DST: variants seen among roughly 807,000 people sequenced by gnomAD.
DST encodes the protein dystonin.
Under a neutral mutation model 875.2 loss-of-function variants are expected in DST, and 253 were observed. That is an observed-to-expected ratio of 0.29 (90% CI 0.26 to 0.32). The LOEUF is 0.32. Ranked by LOEUF, DST falls within the 10% of genes least tolerant of loss-of-function variation. DST has a pLI of 1.00. For synonymous variants in DST, 3,124 were observed against 3,197.1 expected (o/e 0.98, Z 0.77); for missense variants, 8,287 against 9,111.6 (o/e 0.91, Z 3.68).
chr6:56,654,020 A>C (rs2098990464), intron 10 of DST, among the ~76,000 whole-genome samples: 1 of 152,218 alleles, frequency 6.6e-6, no homozygotes, highest in Admixed American at 6.5e-5. Context: ...CTTAGGTTTG[A>C]CTAACCAAAG....
chr6:56,477,830 T>C (rs1243022124), intron 90 of DST, among the ~76,000 whole-genome samples: 1 of 152,216 alleles, frequency 6.6e-6, no homozygotes, highest in African/African-American at 2.4e-5. Context: ...ATATGCTTCA[T>C]ATCATCTCTA....
chr6:56,874,510 C>A (rs1390518738), intron 3 of DST, among the ~76,000 whole-genome samples: 1 of 152,192 alleles, frequency 6.6e-6, no homozygotes, highest in Non-Finnish European at 1.5e-5. Flanking sequence ...CATTTAATAG[C>A]TCACAAAACT....
At chr6:56,544,010 A>T (rs2097182036) in intron 61 of DST, among the ~76,000 whole-genome samples, 1 of 152,236 alleles carries the variant, frequency 6.6e-6, no homozygotes, top group African/African-American at 2.4e-5. Flanking sequence ...AAAGAGATTT[A>T]AAAATATCCA....
chr6:56,674,418 C>A (rs545826230), intron 9 of DST, among the ~76,000 whole-genome samples: 34 of 152,228 alleles, frequency 2.2e-4, no homozygotes, highest in African/African-American at 7.7e-4. Context: ...CTGCCTCAGC[C>A]TCCCAAGTAG....
Position 56,603,876 on chromosome 6 carries a change from C to A in DST, c.10752G>T (p.Gly3584=), listed in dbSNP as rs773221638. ...DFPSHLECTS[G]SKEMASGDSS... is the part of the protein sequence containing the mutation. ...TATCTCCAGAAGCCATCTCTTTAGA[C>A]CCTGAAGTACATTCCAAATGGCTTG... Residue 3584 remains glycine, a synonymous_variant, in exon 40 of 104, where the codon GGG becomes GGT. Transcript: ENST00000680361. 1.9e-5 allele frequency: 31 copies of A among 1,611,514 alleles called. No individual in the cohort carries two copies. Among genetic ancestry groups the A allele is most frequent in the Non-Finnish European group, 2.5e-5 (29 of 1,178,730 alleles).
chr6:56,482,737 G>C lies in DST; in HGVS notation c.21348C>G (p.Thr7116=). ...GCTTTGATATAGAAAGTGCACACAC[G>C]GTCTCCCAGCGTGTGCTTAATTCCT... ...QMQELSTRWE[T]VCALSISKQT... Residue 7116 remains threonine, a synonymous_variant, in exon 89 of 104, where the codon ACC becomes ACG. Transcript: ENST00000680361. 1 of 1,613,724 alleles carries C rather than the reference G, an allele frequency of 6.2e-7. No homozygotes were observed.
chr6:56,800,963 T>C (rs34359353), intron 4 of DST, among the ~76,000 whole-genome samples: 24,365 of 138,184 alleles, frequency 0.18, 2,184 homozygotes, highest in Middle Eastern at 0.24. Context: ...AAGGCTACAG[T>C]AAGCCATGAT....
intron 4 of DST, among the ~76,000 whole-genome samples, chr6:56,836,457 A>G (rs1344542262): frequency 6.6e-6 from 1 of 152,200 alleles, no homozygotes; most frequent in Non-Finnish European, 1.5e-5. Flanking sequence ...TTAATGCTCA[A>G]ATTGTAGGGT....
chr6:56,487,338 T>A, intron 86 of DST, 65 bp from the exon 87 acceptor site: 3 of 1,328,646 alleles, frequency 2.3e-6, no homozygotes, highest in Non-Finnish European at 2.0e-6. Flanking sequence ...TAAGAGGCAT[T>A]AACAGAGGCA....
chr6:56,616,035 G>A lies in DST; in HGVS notation c.4930-1551C>T, dbSNP rs767292450. On this transcript the variant is annotated intron_variant, in intron 36 of 103. Transcript: ENST00000680361. ...GTACTGACTTGGGCTTCAAGGCATC[G>A]GAGGGCAGTAATCCGATCAACCAAA... is the stretch of plus-strand genomic sequence containing the variant. The A allele has an allele frequency of 1.7e-5, 28 of 1,614,070 alleles. No individual in the cohort carries two copies. The Admixed American group carries it at 2.2e-4, about 12-fold the overall frequency.
intron 4 of DST, among the ~76,000 whole-genome samples, chr6:56,764,371 T>C (rs1217756719): frequency 6.6e-6 from 1 of 152,206 alleles, no homozygotes; most frequent in Non-Finnish European, 1.5e-5. Context: ...TTCACTTTCT[T>C]TGGTCACTTT....
chr6:56,571,503 C>T (rs1194022810), intron 53 of DST, among the ~76,000 whole-genome samples: 5 of 152,132 alleles, frequency 3.3e-5, no homozygotes, highest in Non-Finnish European at 1.5e-5. Flanking sequence ...TCTACATAAA[C>T]TTTAGCAAAA....
In DST at chr6:56,597,495, T is replaced by A. The variant is rs564514341; in HGVS notation, c.12195+245A>T. On this transcript the variant is annotated intron_variant, in intron 47 of 103. Transcript: ENST00000680361. Reference sequence around the variant, plus strand: ...CTTTAACTGTCCTATAAATGTTAACTATTATTATTAAATCTTTATAATAAT... The same window carrying A: ...CTTTAACTGTCCTATAAATGTTAACAATTATTATTAAATCTTTATAATAAT... Among the ~76,000 whole-genome samples the A allele has an allele frequency of 1.9e-3, 295 of 152,312 alleles. 1 individual carries two copies. Among genetic ancestry groups the A allele is most frequent in the South Asian group, 0.011 (52 of 4,826 alleles).
At chr6:56,667,274 T>A (rs995010758) in intron 10 of DST, among the ~76,000 whole-genome samples, 3 of 152,224 alleles carry the variant, frequency 2.0e-5, no homozygotes, top group African/African-American at 4.8e-5. Context: ...ATGGTGATAT[T>A]TTGATTGTTT....
At chr6:56,952,802 C>T (rs990101267) in intron 2 of DST, among the ~76,000 whole-genome samples, 5 of 152,054 alleles carry the variant, frequency 3.3e-5, no homozygotes, top group Non-Finnish European at 5.9e-5. Context: ...CCTCTGATTA[C>T]CTCACTTATC....
intron 93 of DST, among the ~76,000 whole-genome samples, chr6:56,473,657 CA>C (rs1311714472): frequency 1.3e-5 from 2 of 152,106 alleles, no homozygotes; most frequent in Non-Finnish European, 2.9e-5. Flanking sequence ...CACTTCAAGA[CA>C]ATAAAGTTAC....
rs1320370891 is a variant in DST at position 56,515,452 on chromosome 6, G to A, written c.18574C>T (p.Arg6192Trp). 1 of 1,613,612 alleles carries A rather than the reference G, an allele frequency of 6.2e-7. No homozygotes were observed. Among genetic ancestry groups the A allele is most frequent in the Non-Finnish European group, 8.5e-7 (1 of 1,179,742 alleles). Residue 6192 changes from arginine (R) to tryptophan (W), a missense_variant and splice_region_variant, in exon 72 of 104, where the codon CGG becomes TGG. Coordinates refer to ENST00000680361, the MANE Select transcript of DST (RefSeq NM_001374736.1). The part of the protein sequence containing the change: ...ETLRQQQEEH[R>W]QLRELIAEHK... ...ATTCTCTTTCACACCAGGCTTACCC[G>A]ATGTTCTTCCTGCTGCTGCCTTAGA... is the stretch of plus-strand genomic sequence containing the variant.
intron 4 of DST, among the ~76,000 whole-genome samples, chr6:56,846,322 C>A (rs1215415258): frequency 6.6e-6 from 1 of 152,200 alleles, no homozygotes; most frequent in Non-Finnish European, 1.5e-5. Context: ...CAAGTAAACA[C>A]AACTAGTCAT....
intron 2 of DST, among the ~76,000 whole-genome samples, chr6:56,935,476 T>C (rs1812534719): frequency 6.6e-6 from 1 of 152,264 alleles, no homozygotes; most frequent in Non-Finnish European, 1.5e-5. Flanking sequence ...GTTAATGGTC[T>C]ACTGCTTAAT....
Sources: allele counts gnomAD v4.1 joint callset (sites outside exome capture counted in the v4.1 genomes callset), GRCh38; gene constraint gnomAD v4.1.1; transcripts MANE v1.5; gene names NCBI Gene and HGNC (gene_info 2026-07-23, HGNC 2026-07-21).